SRGAP2: variants seen among roughly 807,000 people sequenced by gnomAD.
SRGAP2 encodes SLIT-ROBO Rho GTPase activating protein 2.
A neutral mutation model predicts 57.2 loss-of-function variants in SRGAP2; 15 were observed. The ratio of observed to expected loss-of-function variants is 0.26; its 90% CI spans 0.18 to 0.40. The LOEUF (loss-of-function observed/expected upper bound fraction) is 0.40. Among genes scored for constraint, SRGAP2 ranks in the 10% least tolerant of loss-of-function variants. The pLI is 1.00. For missense variants in SRGAP2, 520 were observed against 669.6 expected, an observed-to-expected ratio of 0.78 and a Z score of 2.47; for synonymous variants, 249 against 248.0, an observed-to-expected ratio of 1.00 and a Z score of -0.04.
At chr1:206,248,485 G>A (rs1284934993) in intron 2 of SRGAP2, among the ~76,000 whole-genome samples, 2 of 152,118 alleles carry the variant, frequency 1.3e-5, no homozygotes, top group African/African-American at 4.8e-5. Context: ...ATTCATTGTT[G>A]GTGAAATATG....
chr1:206,422,910 A>G (rs932047419), intron 13 of SRGAP2, among the ~76,000 whole-genome samples: 9 of 152,246 alleles, frequency 5.9e-5, no homozygotes, highest in South Asian at 2.1e-4. Flanking sequence ...CTAGCAGTTC[A>G]TATCTACTAG....
intron 3 of SRGAP2, among the ~76,000 whole-genome samples, chr1:206,334,800 T>C (rs1453722682): frequency 6.6e-6 from 1 of 151,220 alleles, no homozygotes; most frequent in Non-Finnish European, 1.5e-5. Context: ...TCTGCCTCAG[T>C]CATTTCCCAA....
chr1:206,458,800 C>G lies in SRGAP2; in HGVS notation c.2685C>G (p.Ile895Met). ...AAGAAGGGCCAGATAAGTGTTCCATCAGTGGGCACGGGAGCCTCAACTCCA... is the reference window on the plus strand; with the variant it reads ...AAGAAGGGCCAGATAAGTGTTCCATGAGTGGGCACGGGAGCCTCAACTCCA... Reference protein sequence around the residue: ...LPKEGPDKCSISGHGSLNSIS... With the variant: ...LPKEGPDKCSMSGHGSLNSIS... The change falls in exon 22 of 23, where the codon ATC becomes ATG. Residue 895 changes from isoleucine (I) to methionine (M), a missense_variant. By Grantham distance (10) the Ile-to-Met change is conservative. Coordinates refer to ENST00000573034, the MANE Select transcript of SRGAP2 (RefSeq NM_015326.5). 1.3e-6 allele frequency: 1 copy of G among 780,838 alleles called. No individual in the cohort carries two copies. The highest frequency in any genetic ancestry group is 2.4e-6 in the Non-Finnish European group (1 of 417,970). 48.4% of individuals were successfully genotyped at this position (780,838 alleles called of 1,614,324 possible).
chr1:206,441,961 A>T (rs1192733283), intron 17 of SRGAP2, among the ~76,000 whole-genome samples: 4 of 152,256 alleles, frequency 2.6e-5, no homozygotes, highest in Non-Finnish European at 5.9e-5. Context: ...AACAAAAGGT[A>T]AACCAAGGGA....
At chr1:206,455,484 C>T (rs1663754081) in intron 21 of SRGAP2, 1 of 196,062 alleles carries the variant, frequency 5.1e-6, no homozygotes, top group African/African-American at 2.4e-5. Context: ...TTCTACTAGG[C>T]TGATGTTACA....
intron 12 of SRGAP2, among the ~76,000 whole-genome samples, chr1:206,421,011 GA>G (rs560385565): frequency 4.6e-5 from 7 of 151,722 alleles, no homozygotes; most frequent in African/African-American, 7.3e-5. Context: ...GTGCTTTTGT[GA>G]AAAAAAAGAG....
chr1:206,453,761 T>C (rs1300258010), intron 20 of SRGAP2: 8 of 250,304 alleles, frequency 3.2e-5, no homozygotes, highest in Non-Finnish European at 6.0e-5. Context: ...GTTACTCTCT[T>C]TTTTTTTTAA....
At chr1:206,342,110 A>G (rs1553335361) in intron 3 of SRGAP2, among the ~76,000 whole-genome samples, 1 of 152,158 alleles carries the variant, frequency 6.6e-6, no homozygotes, top group Admixed American at 6.5e-5. Flanking sequence ...TGTATGGGAC[A>G]TGAGATCATG....
Position 206,454,392 on chromosome 1 carries a change from A to T in SRGAP2, c.2361-486A>T, listed in dbSNP as rs1019979051. On this transcript the variant is annotated intron_variant, in intron 20 of 22. Coordinates refer to ENST00000573034, the MANE Select transcript of SRGAP2 (RefSeq NM_015326.5). The surrounding 1 kb of genome is among the most constrained non-coding windows in gnomAD (Gnocchi z 4.3). Reference sequence around the variant, plus strand: ...GTGGAGAGACCTGGGACCGGCTTGGATGCTCTGAGCGGGGCTAGAGGCGCT... The same window carrying T: ...GTGGAGAGACCTGGGACCGGCTTGGTTGCTCTGAGCGGGGCTAGAGGCGCT... 11 of 589,546 alleles carry T rather than the reference A, an allele frequency of 1.9e-5. No homozygotes were observed. Among genetic ancestry groups the T allele is most frequent in the Non-Finnish European group, 2.7e-5 (9 of 331,812 alleles). 36.5% of individuals were successfully genotyped at this position (589,546 alleles called of 1,614,324 possible).
At chr1:206,282,072 C>CAGA (rs1350465174) in intron 2 of SRGAP2, among the ~76,000 whole-genome samples, 2 of 85,298 alleles carry the variant, frequency 2.3e-5, no homozygotes, top group Non-Finnish European at 4.3e-5. Flanking sequence ...GTAGTGTGTT[C>CAGA]AGGGTCCAGA....
rs1671064101 is a variant in SRGAP2 at position 206,286,967 on chromosome 1, G to T, written c.68-16314G>T. On this transcript the variant is annotated intron_variant, in intron 2 of 22. Coordinates refer to ENST00000573034, the MANE Select transcript of SRGAP2 (RefSeq NM_015326.5). ...CTGCAGTGTGGAGAGTAGACTACAGGGAAGCAAGGGAGGAGGCAGCAAGAC... is the reference window on the plus strand; with the variant it reads ...CTGCAGTGTGGAGAGTAGACTACAGTGAAGCAAGGGAGGAGGCAGCAAGAC... Among the ~76,000 whole-genome samples, 5 of 152,120 alleles carry T rather than the reference G, an allele frequency of 3.3e-5. No homozygotes were observed. In the South Asian group the frequency reaches 1.0e-3, roughly 32 times the overall value.
At chr1:206,263,156 A>T (rs1306901331) in intron 2 of SRGAP2, among the ~76,000 whole-genome samples, 2 of 143,630 alleles carry the variant, frequency 1.4e-5, no homozygotes, top group African/African-American at 5.2e-5. Flanking sequence ...CTTAATGTCC[A>T]TTGTTAGTTT....
Position 206,461,094 on chromosome 1 carries a change from A to G in SRGAP2, c.2890A>G (p.Ser964Gly), listed in dbSNP as rs1553380417. The change falls in exon 23 of 23, where the codon AGC (serine) becomes GGC (glycine). Residue 964 changes from serine to glycine, a missense_variant. This residue lies in a region of SRGAP2 where 478 missense variants were observed against 373.6 expected (regional missense o/e 1.28). Coordinates refer to ENST00000573034, the MANE Select transcript of SRGAP2 (RefSeq NM_015326.5). Reference sequence around the variant, plus strand: ...TGAGCTACGGGAACTAGAACGGCAGAGCAGTGTCAAACACACCCCTGACGT... The same window carrying G: ...TGAGCTACGGGAACTAGAACGGCAGGGCAGTGTCAAACACACCCCTGACGT... ...LNELRELERQ[S>G]SVKHTPDVVL... 1.3e-6 allele frequency: 1 copy of G among 768,862 alleles called. No individual in the cohort carries two copies. The highest frequency in any genetic ancestry group is 2.4e-5 in the East Asian group (1 of 41,008). 47.6% of individuals were successfully genotyped at this position (768,862 alleles called of 1,614,324 possible). A position where few individuals can be genotyped will look rare whatever the true frequency, so the allele number is the denominator to read the frequency against.
chr1:206,301,157 C>T (rs1389989446), intron 2 of SRGAP2, among the ~76,000 whole-genome samples: 1 of 152,060 alleles, frequency 6.6e-6, no homozygotes, highest in Non-Finnish European at 1.5e-5. Context: ...TCAGCCTCCC[C>T]AGTAGTTGGG....
chr1:206,416,242 T>G (rs1298471231), intron 11 of SRGAP2, among the ~76,000 whole-genome samples: 1 of 152,142 alleles, frequency 6.6e-6, no homozygotes, highest in Admixed American at 6.5e-5. Context: ...CACCCTCGCC[T>G]CCTCTGCCAC....
At chr1:206,404,502 G>C (rs1658510838) in intron 8 of SRGAP2, among the ~76,000 whole-genome samples, 2 of 150,628 alleles carry the variant, frequency 1.3e-5, no homozygotes, top group African/African-American at 4.9e-5. Context: ...CTCCTCATCT[G>C]TCATCCAGGG....
At chr1:206,289,278 T>G (rs1406785380) in intron 2 of SRGAP2, among the ~76,000 whole-genome samples, 3 of 143,846 alleles carry the variant, frequency 2.1e-5, no homozygotes, top group East Asian at 2.0e-4. Context: ...GGAGGTTTTT[T>G]TTTTTTTTTT....
intron 5 of SRGAP2, among the ~76,000 whole-genome samples, chr1:206,389,491 C>A (rs1656705044): frequency 6.6e-6 from 1 of 151,932 alleles, no homozygotes; most frequent in Non-Finnish European, 1.5e-5. Context: ...CTCAGACTTT[C>A]AATAGCTTAT....
chr1:206,449,355 G>A (rs554451298), intron 18 of SRGAP2, among the ~76,000 whole-genome samples: 6 of 142,740 alleles, frequency 4.2e-5, no homozygotes, highest in South Asian at 2.2e-4. Flanking sequence ...GCAGTGGCAC[G>A]ATCATGGCTC....
Sources: allele counts gnomAD v4.1 joint callset (sites outside exome capture counted in the v4.1 genomes callset), GRCh38; gene constraint gnomAD v4.1.1; regional missense constraint gnomAD v4.1.1; non-coding constraint Gnocchi (gnomAD v3.1); transcripts MANE v1.5; gene names NCBI Gene and HGNC (gene_info 2026-07-23, HGNC 2026-07-21).